Variants in PRKCD observed in about 807,000 individuals in gnomAD.
The protein encoded by PRKCD is protein kinase C delta type.
PRKCD carries 20 observed loss-of-function variants against 82.2 expected under a neutral mutation model. The ratio of observed to expected loss-of-function variants is 0.24; its 90% CI spans 0.17 to 0.35. The LOEUF is 0.35. PRKCD is among the 10% of genes least tolerant of loss of function. The pLI is 1.00. For missense variants in PRKCD, 607 were observed against 899.0 expected (o/e 0.68, Z 4.15); for synonymous variants, 317 against 337.0 (o/e 0.94, Z 0.65).
intron 18 of PRKCD, among the ~76,000 whole-genome samples, chr3:53,191,177 A>C (rs7634447): frequency 0.65 from 99,308 of 152,100 alleles, 33,618 homozygotes; most frequent in Middle Eastern, 0.78. Flanking sequence ...TGAGGCAGGC[A>C]GATCACCTGA....
intron 18 of PRKCD, among the ~76,000 whole-genome samples, chr3:53,190,591 G>T (rs1243540909): frequency 2.0e-5 from 3 of 152,172 alleles, no homozygotes; most frequent in Non-Finnish European, 4.4e-5. Context: ...AGAGGGGCTG[G>T]TTCACTCACA....
chr3:53,177,479 C>T (rs540039907), intron 2 of PRKCD, among the ~76,000 whole-genome samples: 1 of 152,280 alleles, frequency 6.6e-6, no homozygotes, highest in Non-Finnish European at 1.5e-5. Flanking sequence ...TTCTGATTCT[C>T]TGCCTTAGGG....
intron 1 of PRKCD, among the ~76,000 whole-genome samples, chr3:53,164,176 C>A (rs1464610712): frequency 8.5e-5 from 13 of 152,116 alleles, no homozygotes; most frequent in Admixed American, 1.3e-4. Flanking sequence ...TACCTTGCTA[C>A]CTTTGCCATT....
chr3:53,167,699 A>G (rs1702878697), intron 2 of PRKCD, among the ~76,000 whole-genome samples: 1 of 152,258 alleles, frequency 6.6e-6, no homozygotes, highest in African/African-American at 2.4e-5. Context: ...TTTAGAGCCC[A>G]GTTCATGGGA....
intron 11 of PRKCD, 53 bp from the exon 12 acceptor site, chr3:53,185,874 G>T (rs782259060): frequency 3.0e-5 from 48 of 1,595,326 alleles, no homozygotes; most frequent in Non-Finnish European, 4.0e-5. Context: ...CCCGGGGGAG[G>T]GGAGTTGTGT....
chr3:53,168,744 T>C (rs1702915100), intron 2 of PRKCD, among the ~76,000 whole-genome samples: 1 of 150,168 alleles, frequency 6.7e-6, no homozygotes, highest in South Asian at 2.1e-4. Context: ...ACTGGCTGCT[T>C]CGGGAACTGA....
chr3:53,171,333 G>A (rs534445443), intron 2 of PRKCD, among the ~76,000 whole-genome samples: 5 of 152,298 alleles, frequency 3.3e-5, no homozygotes, highest in South Asian at 4.1e-4. Context: ...CACACAAGCT[G>A]GCAGAGGTGG....
chr3:53,175,570 G>T (rs1553665739), intron 2 of PRKCD, among the ~76,000 whole-genome samples: 6 of 152,120 alleles, frequency 3.9e-5, no homozygotes. Flanking sequence ...CAGGCGGCCT[G>T]GCCATCATTT....
intron 4 of PRKCD, among the ~76,000 whole-genome samples, chr3:53,180,802 G>A (rs1703408262): frequency 6.6e-6 from 1 of 152,180 alleles, no homozygotes; most frequent in Admixed American, 6.5e-5. Context: ...AGAGGGAGGA[G>A]CAGCGTGTGT....
rs782677594 is a variant in PRKCD at position 53,183,164 on chromosome 3, C to T, written c.615C>T (p.Ile205=). 17 of 1,614,096 alleles carry T rather than the reference C, an allele frequency of 1.1e-5. No homozygotes were observed. Among genetic ancestry groups the T allele is most frequent in the East Asian group, 2.2e-5 (1 of 44,886 alleles). Residue 205 remains isoleucine (I), a synonymous_variant, in exon 8 of 19, where the codon ATC becomes ATT. Transcript: ENST00000330452. ...AIHKKCIDKI[I]GRCTGTAANS... ...ACAAGAAATGCATCGACAAGATCAT[C>T]GGCAGATGCACTGGCACCGCGGCCA...
chr3:53,192,499 A>G lies in PRKCD; in HGVS notation c.*233A>G. The G allele has an allele frequency of 2.4e-6, 1 of 417,580 alleles. No individual in the cohort carries two copies. The highest frequency in any genetic ancestry group is 4.0e-5 in the South Asian group (1 of 25,280). 25.9% of individuals were successfully genotyped at this position (417,580 alleles called of 1,614,324 possible). ...GTAAATCCTGTGTTTCATTACTTGA[A>G]TGTAGTTATCTATTGAAAATATATA... On this transcript the variant is annotated 3_prime_UTR_variant, in exon 19 of 19. Coordinates refer to ENST00000330452, the MANE Select transcript of PRKCD (RefSeq NM_006254.4).
chr3:53,192,481 CTG>C lies in PRKCD; in HGVS notation c.*219_*220del, dbSNP rs1703961596. 2.1e-6 allele frequency: 1 copy of C among 476,902 alleles called. No homozygotes were observed. Among genetic ancestry groups the C allele is most frequent in the African/African-American group, 1.9e-5 (1 of 52,028 alleles). 29.5% of individuals were successfully genotyped at this position (476,902 alleles called of 1,614,324 possible). ...TGCCTTCGGAGGGAAATTGTAAATC[CTG>C]TGTTTCATTACTTGAATGTAGTTAT... On this transcript the variant is annotated 3_prime_UTR_variant, in exon 19 of 19. Transcript: ENST00000330452.
intron 7 of PRKCD, 57 bp downstream of exon 7, chr3:53,181,789 C>T: frequency 6.2e-7 from 1 of 1,611,320 alleles, no homozygotes; most frequent in South Asian, 1.1e-5. Flanking sequence ...TCACGTGTGC[C>T]AGTGCCTGTG....
chr3:53,182,682 G>A (rs984164218), intron 7 of PRKCD, among the ~76,000 whole-genome samples: 12 of 152,216 alleles, frequency 7.9e-5, no homozygotes, highest in African/African-American at 2.9e-4. Context: ...GCCGCTCTGT[G>A]TAAGAAGTCT....
intron 8 of PRKCD, 104 bp from the exon 9 acceptor site, chr3:53,183,348 C>G: frequency 6.3e-7 from 1 of 1,577,656 alleles, no homozygotes; most frequent in Non-Finnish European, 8.7e-7. Context: ...CCCAGTGGAG[C>G]TCTCTTGGGA....
At chr3:53,172,066 A>G (rs1703051276) in intron 2 of PRKCD, among the ~76,000 whole-genome samples, 1 of 151,944 alleles carries the variant, frequency 6.6e-6, no homozygotes, top group Non-Finnish European at 1.5e-5. Flanking sequence ...TGGGAGGAGC[A>G]GGTATGGGGA....
At chr3:53,172,395 G>T (rs1388064434) in intron 2 of PRKCD, among the ~76,000 whole-genome samples, 1 of 152,058 alleles carries the variant, frequency 6.6e-6, no homozygotes, top group African/African-American at 2.4e-5. Flanking sequence ...CGTGACTGCC[G>T]GTACCAGTCC....
intron 10 of PRKCD, among the ~76,000 whole-genome samples, chr3:53,185,226 GA>G (rs1553668712): frequency 6.6e-6 from 1 of 152,238 alleles, no homozygotes; most frequent in African/African-American, 2.4e-5. Flanking sequence ...GGAACACTTT[GA>G]ACTAAGACTT....
At chr3:53,164,770 C>T (rs1444447981) in intron 1 of PRKCD, among the ~76,000 whole-genome samples, 2 of 151,960 alleles carry the variant, frequency 1.3e-5, no homozygotes, top group Non-Finnish European at 2.9e-5. Flanking sequence ...TTGTTGCACC[C>T]TAGGACTCCT....
Sources: gnomAD v4.1 joint callset for allele counts (sites outside exome capture counted in the v4.1 genomes callset) on GRCh38, gnomAD v4.1.1 for gene constraint, MANE v1.5 for transcripts, NCBI Gene and HGNC (gene_info 2026-07-23, HGNC 2026-07-21) for gene names.